Variants in SH3RF2 observed in about 807,000 individuals in gnomAD.
SH3RF2 encodes the protein SH3 domain containing ring finger 2, also known as E3 ubiquitin-protein ligase SH3RF2.
In SH3RF2, 43 loss-of-function variants were observed where a neutral mutation model predicts 59.0. The ratio of observed to expected loss-of-function variants is 0.73; its 90% CI spans 0.57 to 0.94. The LOEUF is 0.94. SH3RF2 is among the 40% of genes least tolerant of loss of function. The pLI is 0.00. For missense variants in SH3RF2, 930 were observed against 940.1 expected (o/e 0.99, Z 0.14); for synonymous variants, 391 against 391.5 (o/e 1.00, Z 0.01).
chr5:146,007,074 C>T (rs996438187), intron 4 of SH3RF2, among the ~76,000 whole-genome samples: 4 of 152,162 alleles, frequency 2.6e-5, no homozygotes, highest in Non-Finnish European at 5.9e-5. Flanking sequence ...TAAGGGAACA[C>T]GTGAAACACT....
chr5:145,997,833 C>A lies in SH3RF2; in HGVS notation c.379-2225C>A, dbSNP rs942011723. 20 of 1,359,490 alleles carry A rather than the reference C, an allele frequency of 1.5e-5. No homozygotes were observed. In the East Asian group the frequency reaches 4.1e-4, roughly 28 times the overall value. The allele number at this position is 1,359,490 out of a possible 1,614,324, so 84.2% of individuals were successfully genotyped here. ...AGGATCCCCCGCCGAAATAGAAGTA[C>A]CTGCAAAAACAACTCACATCTTGAA... On this transcript the variant is annotated intron_variant, in intron 2 of 9. Transcript: ENST00000359120.
At chr5:146,013,640 A>C in intron 4 of SH3RF2, 107 bp from the exon 5 acceptor site, 1 of 1,137,208 alleles carries the variant, frequency 8.8e-7, no homozygotes, top group Non-Finnish European at 1.3e-6. Context: ...TGAGCCAGTG[A>C]CTGAGGAGGT....
intron 9 of SH3RF2, among the ~76,000 whole-genome samples, chr5:146,075,040 T>C (rs1763315868): frequency 6.6e-6 from 1 of 152,220 alleles, no homozygotes; most frequent in East Asian, 1.9e-4. Flanking sequence ...CTATCCATTA[T>C]TATCCTTTGA....
downstream of SH3RF2, among the ~76,000 whole-genome samples, chr5:146,064,688 AAGAAAGAAAGAAAGAAAGAAAGAAAG>A (rs1763019696): frequency 1.1e-3 from 4 of 3,696 alleles, no homozygotes; most frequent in Non-Finnish European, 1.4e-3. Flanking sequence ...GAAAGAAAGA[AAGAAAGAAAGAAAGAAAGAAAGAAAG>A]AAAGAAAGAA....
At chr5:145,940,513 C>T (rs1045314079) in intron 2 of SH3RF2, among the ~76,000 whole-genome samples, 3 of 152,172 alleles carry the variant, frequency 2.0e-5, no homozygotes, top group Non-Finnish European at 4.4e-5. Context: ...TTTAGAGAGT[C>T]AGAGGAATGG....
intron 2 of SH3RF2, among the ~76,000 whole-genome samples, chr5:145,966,057 A>C (rs1758844808): frequency 6.6e-6 from 1 of 152,018 alleles, no homozygotes; most frequent in Non-Finnish European, 1.5e-5. Context: ...CCATGACCTC[A>C]CTCCTGTGCA....
intron 9 of SH3RF2, among the ~76,000 whole-genome samples, chr5:146,069,642 C>T (rs185761104): frequency 7.4e-4 from 112 of 152,268 alleles, no homozygotes; most frequent in African/African-American, 2.6e-3. Flanking sequence ...GGCACAATCT[C>T]GGCTCACTGC....
intron 4 of SH3RF2, among the ~76,000 whole-genome samples, 180 bp downstream of exon 4, chr5:146,004,333 CT>C (rs1396127782): frequency 4.6e-5 from 7 of 152,186 alleles, no homozygotes; most frequent in Non-Finnish European, 1.0e-4. Flanking sequence ...GGAAATGAGC[CT>C]TTTCTATTCT....
chr5:145,962,233 T>G (rs1758657649), intron 2 of SH3RF2, among the ~76,000 whole-genome samples: 3 of 152,110 alleles, frequency 2.0e-5, no homozygotes, highest in Non-Finnish European at 4.4e-5. Flanking sequence ...GAATCAGCCA[T>G]CCTGCACCAC....
intron 4 of SH3RF2, 134 bp from the exon 5 acceptor site, chr5:146,013,613 A>G: frequency 2.3e-6 from 2 of 856,280 alleles, no homozygotes; most frequent in South Asian, 3.2e-5. Flanking sequence ...TACTGTGCTC[A>G]CCAAGGAATG....
intron 5 of SH3RF2, among the ~76,000 whole-genome samples, chr5:146,030,277 TG>T (rs1325690535): frequency 5.9e-5 from 9 of 152,242 alleles, no homozygotes; most frequent in African/African-American, 1.9e-4. Flanking sequence ...TGTGCCCATG[TG>T]CCCATGTCGT....
At chr5:146,063,630 TG>T (rs1479964479), downstream of SH3RF2, among the ~76,000 whole-genome samples, 1 of 152,100 alleles carries the variant, frequency 6.6e-6, no homozygotes, top group Non-Finnish European at 1.5e-5. Context: ...TAGGCCGAGG[TG>T]GGCAGACCAC....
rs1580845172 is a variant in SH3RF2 at position 146,004,139 on chromosome 5, A to G, written c.730A>G (p.Ile244Val). 6.2e-7 allele frequency: 1 copy of G among 1,612,220 alleles called. No homozygotes were observed. Among genetic ancestry groups the G allele is most frequent in the Non-Finnish European group, 8.5e-7 (1 of 1,178,622 alleles). ...AGGAGATAAAGTAGGCATCTTCCCT[A>G]TCTTGTTTGTAGAGGTACGTGAGTA... ...KLGDKVGIFP[I>V]LFVEPNLTAR... is the part of the protein sequence containing the mutation. Residue 244 changes from isoleucine (I) to valine (V), a missense_variant, in exon 4 of 10, where the codon ATC (isoleucine) becomes GTC (valine). Ile to Val is a conservative substitution (Grantham distance 29). Coordinates refer to ENST00000359120, the MANE Select transcript of SH3RF2 (RefSeq NM_152550.4).
intron 2 of SH3RF2, among the ~76,000 whole-genome samples, chr5:145,970,474 G>A (rs1315291428): frequency 1.3e-5 from 2 of 152,172 alleles, no homozygotes; most frequent in Admixed American, 6.5e-5. Flanking sequence ...TGGATGAGTA[G>A]TATTCCATGG....
downstream of SH3RF2, among the ~76,000 whole-genome samples, chr5:146,064,006 G>C (rs917774393): frequency 1.3e-5 from 2 of 152,206 alleles, no homozygotes; most frequent in Admixed American, 6.5e-5. Context: ...GGGCAGATGA[G>C]CTATTTCACT....
At chr5:146,004,018 A>G in intron 3 of SH3RF2, 40 bp from the exon 4 acceptor site, 1 of 1,571,684 alleles carries the variant, frequency 6.4e-7, no homozygotes, top group Non-Finnish European at 8.7e-7. Context: ...TACTGCCTGA[A>G]AATGAGAGTA....
intron 2 of SH3RF2, among the ~76,000 whole-genome samples, chr5:145,994,621 A>T (rs1261220019): frequency 3.9e-5 from 6 of 152,330 alleles, no homozygotes; most frequent in Admixed American, 2.0e-4. Flanking sequence ...TGAGACTTTT[A>T]TTCACAATCA....
chr5:146,035,012 A>C (rs1478931654), intron 5 of SH3RF2, among the ~76,000 whole-genome samples: 2 of 152,140 alleles, frequency 1.3e-5, no homozygotes, highest in African/African-American at 4.8e-5. Flanking sequence ...AGGCTGAAGC[A>C]AGAGAATTGC....
downstream of SH3RF2, among the ~76,000 whole-genome samples, chr5:146,064,898 G>A (rs1763067072): frequency 1.4e-5 from 2 of 144,442 alleles, no homozygotes; most frequent in African/African-American, 5.0e-5. Context: ...GGGAGGGAGG[G>A]AGGAAGGGGC....
Sources: allele counts gnomAD v4.1 joint callset (sites outside exome capture counted in the v4.1 genomes callset), GRCh38; gene constraint gnomAD v4.1.1; transcripts MANE v1.5; gene names NCBI Gene and HGNC (gene_info 2026-07-23, HGNC 2026-07-21).